Variants in GALNTL6 observed in about 807,000 individuals in gnomAD.
GALNTL6 encodes polypeptide N-acetylgalactosaminyltransferase-like 6.
A neutral mutation model predicts 73.7 loss-of-function variants in GALNTL6; 46 were observed. That is an observed-to-expected ratio of 0.62 (90% CI 0.49 to 0.80). GALNTL6 has a LOEUF of 0.80. GALNTL6 is among the 30% of genes least tolerant of loss of function. The pLI is 0.00. For missense variants in GALNTL6, 604 were observed against 755.0 expected, an observed-to-expected ratio of 0.80 and a Z score of 2.34; for synonymous variants, 259 against 263.7, an observed-to-expected ratio of 0.98 and a Z score of 0.17.
At chr4:172,363,184 G>T (rs989791503) in intron 5 of GALNTL6, among the ~76,000 whole-genome samples, 5 of 151,958 alleles carry the variant, frequency 3.3e-5, no homozygotes, top group African/African-American at 1.2e-4. Flanking sequence ...GCTTCACATG[G>T]CATATATTTA....
At position 172,449,883 on chromosome 4, in the gene GALNTL6, C is replaced by T. The variant is rs1287263395; in HGVS notation, c.553+101194C>T. 2.0e-5 allele frequency among the ~76,000 whole-genome samples: 3 copies of T among 152,170 alleles called. No homozygotes were observed. The East Asian group carries it at 5.8e-4, about 29-fold the overall frequency. On this transcript the variant is annotated intron_variant, in intron 5 of 12. Coordinates refer to ENST00000506823, the MANE Select transcript of GALNTL6 (RefSeq NM_001034845.3). ...CATCTTCCTTTGGAAGTCCAGTAGG[C>T]AACTCCAACCTAGCATGGCCAAGAT...
intron 5 of GALNTL6, among the ~76,000 whole-genome samples, chr4:172,578,606 T>A (rs1579207010): frequency 6.6e-6 from 1 of 152,364 alleles, no homozygotes; most frequent in Non-Finnish European, 1.5e-5. Flanking sequence ...TATTTCCACG[T>A]GATTTATTAA....
chr4:172,663,720 G>A (rs909105533), intron 5 of GALNTL6, among the ~76,000 whole-genome samples: 4 of 152,134 alleles, frequency 2.6e-5, no homozygotes, highest in African/African-American at 9.7e-5. Context: ...CTTAGGGTCA[G>A]GAGTTCAGGA....
intron 7 of GALNTL6, among the ~76,000 whole-genome samples, chr4:172,831,933 T>C (rs1183710282): frequency 6.6e-6 from 1 of 152,216 alleles, no homozygotes. Context: ...CTGATCTCCG[T>C]CATCCAGCCT....
intron 2 of GALNTL6, among the ~76,000 whole-genome samples, chr4:172,193,995 A>G (rs1365054790): frequency 3.3e-5 from 5 of 152,242 alleles, no homozygotes; most frequent in African/African-American, 9.6e-5. Context: ...AGATGGATGA[A>G]TTGACAGAAG....
At chr4:172,200,903 T>G (rs1735929777) in intron 2 of GALNTL6, among the ~76,000 whole-genome samples, 1 of 152,192 alleles carries the variant, frequency 6.6e-6, no homozygotes, top group Admixed American at 6.5e-5. Flanking sequence ...AAACTATCAC[T>G]TTAAAAAGAG....
At chr4:171,976,045 C>T (rs1329210084) in intron 2 of GALNTL6, among the ~76,000 whole-genome samples, 1 of 152,088 alleles carries the variant, frequency 6.6e-6, no homozygotes, top group Non-Finnish European at 1.5e-5. Flanking sequence ...GCCTCAGCCT[C>T]CTGAGTAGCT....
chr4:172,110,154 G>A (rs1008297286), intron 2 of GALNTL6, among the ~76,000 whole-genome samples: 1 of 152,046 alleles, frequency 6.6e-6, no homozygotes, highest in African/African-American at 2.4e-5. Context: ...GGAAGGCAAG[G>A]CTTATAAAAA....
At chr4:172,874,602 C>T (rs1745098249) in intron 7 of GALNTL6, among the ~76,000 whole-genome samples, 2 of 152,144 alleles carry the variant, frequency 1.3e-5, no homozygotes, top group South Asian at 4.1e-4. Context: ...ACTGACAGAG[C>T]TGGTGACACC....
chr4:172,565,371 C>T (rs544326971), intron 5 of GALNTL6, among the ~76,000 whole-genome samples: 4 of 152,006 alleles, frequency 2.6e-5, no homozygotes. Flanking sequence ...GATTTTTATC[C>T]TTCATTCTGT....
chr4:171,880,186 T>C (rs1736398756), intron 2 of GALNTL6, among the ~76,000 whole-genome samples: 1 of 152,178 alleles, frequency 6.6e-6, no homozygotes, highest in Non-Finnish European at 1.5e-5. Flanking sequence ...TCTTTGGTGT[T>C]TGTGTTCCTG....
chr4:171,818,045 G>T (rs990521694), intron 2 of GALNTL6, among the ~76,000 whole-genome samples: 3 of 151,330 alleles, frequency 2.0e-5, no homozygotes, highest in African/African-American at 7.3e-5. Flanking sequence ...TATATTAAAA[G>T]AATCTACTGA....
At chr4:171,952,500 G>A (rs1738915866) in intron 2 of GALNTL6, among the ~76,000 whole-genome samples, 1 of 151,974 alleles carries the variant, frequency 6.6e-6, no homozygotes, top group Non-Finnish European at 1.5e-5. Flanking sequence ...TCTGAATTTA[G>A]TGATGTGTAA....
At chr4:171,924,754 T>C (rs932270325) in intron 2 of GALNTL6, among the ~76,000 whole-genome samples, 8 of 152,252 alleles carry the variant, frequency 5.3e-5, no homozygotes, top group Middle Eastern at 3.4e-3. Context: ...GTGGCACCCA[T>C]CTCTACAGAC....
chr4:172,057,910 C>G (rs1731078603), intron 2 of GALNTL6, among the ~76,000 whole-genome samples: 1 of 151,428 alleles, frequency 6.6e-6, no homozygotes, highest in Admixed American at 6.6e-5. Flanking sequence ...TAGCTCTTTC[C>G]TGAGATAAAG....
chr4:171,976,095 G>A (rs964597952), intron 2 of GALNTL6, among the ~76,000 whole-genome samples: 1 of 152,040 alleles, frequency 6.6e-6, no homozygotes, highest in Admixed American at 6.6e-5. Flanking sequence ...GCTAATTTTT[G>A]TATTTTTAGT....
In GALNTL6 at chr4:171,855,218, C is replaced by T. The variant is rs906047790; in HGVS notation, c.138+40500C>T. 9.2e-5 allele frequency among the ~76,000 whole-genome samples: 14 copies of T among 152,074 alleles called. 1 individual carries two copies. The highest frequency in any genetic ancestry group is 4.4e-5 in the Non-Finnish European group (3 of 68,002). On this transcript the variant is annotated intron_variant, in intron 2 of 12. Transcript: ENST00000506823. ...TATAATGGCACATATTCACCCGTAC[C>T]GTATCATACAGAACACTTTCACTGA...
intron 5 of GALNTL6, among the ~76,000 whole-genome samples, chr4:172,562,649 C>G (rs982732504): frequency 6.6e-6 from 1 of 152,202 alleles, no homozygotes; most frequent in Non-Finnish European, 1.5e-5. Flanking sequence ...CATAAGGTAT[C>G]GATCTTGCCT....
intron 2 of GALNTL6, among the ~76,000 whole-genome samples, chr4:171,936,451 C>G (rs918437066): frequency 6.6e-6 from 1 of 151,948 alleles, no homozygotes; most frequent in Non-Finnish European, 1.5e-5. Context: ...GCAGATGAGG[C>G]CAAGAACATT....
Sources: gnomAD v4.1 joint callset for allele counts (sites outside exome capture counted in the v4.1 genomes callset) on GRCh38, gnomAD v4.1.1 for gene constraint, MANE v1.5 for transcripts, NCBI Gene and HGNC (gene_info 2026-07-23, HGNC 2026-07-21) for gene names.